The following THSD7B variants were observed in gnomAD, a reference collection of about 807,000 sequenced individuals.
The protein encoded by THSD7B is thrombospondin type 1 domain containing 7B.
THSD7B carries 138 observed loss-of-function variants against 213.6 expected under a neutral mutation model. That is an observed-to-expected ratio of 0.65 (90% CI 0.56 to 0.74). The LOEUF (loss-of-function observed/expected upper bound fraction) is 0.74. Ranked by LOEUF, THSD7B falls within the 30% of genes least tolerant of loss-of-function variation. The pLI, the probability that THSD7B is intolerant of heterozygous loss-of-function variation, is 0.00. For missense variants in THSD7B, 1,931 were observed against 1,991.5 expected (o/e 0.97, Z 0.58); for synonymous variants, 742 against 687.0 (o/e 1.08, Z -1.25).
chr2:137,285,996 C>T (rs1016485898), intron 12 of THSD7B, among the ~76,000 whole-genome samples: 4 of 151,016 alleles, frequency 2.6e-5, no homozygotes, highest in Admixed American at 6.6e-5. Context: ...CCCAACTACT[C>T]GGGAGGCTGA....
At chr2:137,037,156 G>T (rs895545902) in intron 2 of THSD7B, among the ~76,000 whole-genome samples, 3 of 152,036 alleles carry the variant, frequency 2.0e-5, no homozygotes, top group African/African-American at 7.2e-5. Context: ...GGGCAGAGAT[G>T]ATATCTTAAA....
In THSD7B at chr2:137,559,083, G is replaced by T. The variant is rs1467921639; in HGVS notation, c.3139-4138G>T. ...TGAAAGAGGACACAAACAAATGGAA[G>T]AACATTCCAAGCTCATGGATAGGAA... On this transcript the variant is annotated intron_variant, in intron 15 of 27. Transcript: ENST00000409968. Among the ~76,000 whole-genome samples, 4 of 152,108 alleles carry T rather than the reference G, an allele frequency of 2.6e-5. No individual in the cohort carries two copies. The South Asian group carries it at 8.3e-4, about 32-fold the overall frequency.
At chr2:136,852,688 T>A (rs1683118335) in intron 1 of THSD7B, among the ~76,000 whole-genome samples, 1 of 152,228 alleles carries the variant, frequency 6.6e-6, no homozygotes, top group African/African-American at 2.4e-5. Flanking sequence ...AACTTATGCC[T>A]GTCTTTGCTT....
At chr2:137,356,243 C>T (rs1231401473) in intron 12 of THSD7B, among the ~76,000 whole-genome samples, 1 of 152,112 alleles carries the variant, frequency 6.6e-6, no homozygotes, top group Admixed American at 6.6e-5. Flanking sequence ...CAGGGCTATA[C>T]CTATGCCCGC....
chr2:136,792,433 ATGG>A lies in THSD7B; in HGVS notation c.-36+26750_-36+26752del, dbSNP rs1488455952. On this transcript the variant is annotated intron_variant, in intron 1 of 27. Transcript: ENST00000409968. The stretch of plus-strand genomic sequence containing the variant: ...TGTGACTATTGTGTATGAAACAATA[ATGG>A]TGGATACCTGCCATCGTACATTTGT... 5.9e-5 allele frequency among the ~76,000 whole-genome samples: 9 copies of A among 152,120 alleles called. 1 individual carries two copies. The highest frequency in any genetic ancestry group is 4.6e-4 in the Admixed American group (7 of 15,254).
intron 2 of THSD7B, among the ~76,000 whole-genome samples, chr2:137,003,201 T>TA (rs1686034816): frequency 6.6e-6 from 1 of 152,192 alleles, no homozygotes; most frequent in Non-Finnish European, 1.5e-5. Context: ...ACATGGCTTT[T>TA]AAAAAATGTA....
At chr2:137,577,036 G>C (rs1681478680) in intron 17 of THSD7B, among the ~76,000 whole-genome samples, 1 of 152,092 alleles carries the variant, frequency 6.6e-6, no homozygotes. Context: ...TGGAGGAGGT[G>C]CCTAATGATT....
intron 20 of THSD7B, among the ~76,000 whole-genome samples, chr2:137,626,267 C>A (rs1332195738): frequency 6.6e-6 from 1 of 152,082 alleles, no homozygotes; most frequent in Admixed American, 6.5e-5. Context: ...TCGAGACCAT[C>A]ATGGCTAACA....
rs549917772 is a variant in THSD7B, at chr2:136,861,220, A to G, written c.-35-20924A>G. On this transcript the variant is annotated intron_variant, in intron 1 of 27. Transcript: ENST00000409968. Reference sequence around the variant, plus strand: ...TGTGGAAGGTAGGACCTGGCATAGGAATATTAAGTGAGGCAAAAGTCTCAT... The same window carrying G: ...TGTGGAAGGTAGGACCTGGCATAGGGATATTAAGTGAGGCAAAAGTCTCAT... 3.3e-5 allele frequency among the ~76,000 whole-genome samples: 5 copies of G among 152,294 alleles called. No homozygotes were observed. The South Asian group carries it at 1.0e-3, about 32-fold the overall frequency.
chr2:137,436,201 C>T (rs1339142337), intron 14 of THSD7B, among the ~76,000 whole-genome samples: 1 of 151,984 alleles, frequency 6.6e-6, no homozygotes, highest in Non-Finnish European at 1.5e-5. Flanking sequence ...TTATGATATA[C>T]ATATTCATCT....
At chr2:137,071,201 T>A (rs1288068757) in intron 3 of THSD7B, among the ~76,000 whole-genome samples, 1 of 152,194 alleles carries the variant, frequency 6.6e-6, no homozygotes, top group Non-Finnish European at 1.5e-5. Flanking sequence ...TATTCCTGTT[T>A]CTCCACATCC....
intron 16 of THSD7B, among the ~76,000 whole-genome samples, chr2:137,565,852 A>G (rs947319770): frequency 1.3e-5 from 2 of 152,144 alleles, no homozygotes; most frequent in African/African-American, 4.8e-5. Flanking sequence ...AATCCTGATT[A>G]TGTCCCAATG....
chr2:136,949,041 C>T (rs141409130), intron 2 of THSD7B, among the ~76,000 whole-genome samples: 1 of 152,204 alleles, frequency 6.6e-6, no homozygotes, highest in East Asian at 1.9e-4. Flanking sequence ...GGGATTTGGC[C>T]TGTGTACATT....
intron 15 of THSD7B, among the ~76,000 whole-genome samples, chr2:137,504,025 C>CAA (rs1317714145): frequency 3.7e-5 from 3 of 81,258 alleles, no homozygotes; most frequent in Middle Eastern, 6.6e-3. Context: ...GACTCCATCT[C>CAA]AAAAAAAAAA....
At chr2:137,665,743 G>A (rs899594840) in intron 26 of THSD7B, among the ~76,000 whole-genome samples, 7 of 152,058 alleles carry the variant, frequency 4.6e-5, no homozygotes, top group African/African-American at 1.7e-4. Flanking sequence ...CAATATAAAT[G>A]CCCACAAATA....
intron 2 of THSD7B, among the ~76,000 whole-genome samples, chr2:136,970,273 G>A (rs867060466): frequency 6.6e-6 from 1 of 152,016 alleles, no homozygotes; most frequent in African/African-American, 2.4e-5. Context: ...AGACCAGCCT[G>A]GGCAACATGG....
At chr2:137,598,845 T>A (rs907820504) in intron 17 of THSD7B, among the ~76,000 whole-genome samples, 2 of 150,758 alleles carry the variant, frequency 1.3e-5, no homozygotes, top group African/African-American at 4.9e-5. Flanking sequence ...CTTTCCTCCC[T>A]TCTTTTTTTT....
rs1553462387 is a variant in THSD7B, at chr2:136,983,358, G to GACACACAGACACACACACACACACACAC, written c.140-73055_140-73054insGACACACACACACACACACACACACACA. On this transcript the variant is annotated intron_variant, in intron 2 of 27. Coordinates refer to ENST00000409968, the MANE Select transcript of THSD7B (RefSeq NM_001316349.2). Reference sequence around the variant, plus strand: ...ACACACACACACACACAGACACACAGACACACACACACGCACACACACTCA... The same window carrying GACACACAGACACACACACACACACACAC: ...ACACACACACACACACAGACACACAGACACACAGACACACACACACACACACACACACACACACACGCACACACACTCA... Among the ~76,000 whole-genome samples the GACACACAGACACACACACACACACACAC allele has an allele frequency of 2.9e-5, 3 of 105,132 alleles. No homozygotes were observed. In the East Asian group the frequency reaches 8.6e-4, roughly 30 times the overall value. The allele number at this position is 105,132 out of a possible 152,430, so 69.0% of individuals were successfully genotyped here.
chr2:137,135,910 A>G (rs1042845921), intron 5 of THSD7B, among the ~76,000 whole-genome samples: 3 of 152,160 alleles, frequency 2.0e-5, no homozygotes, highest in Admixed American at 6.6e-5. Context: ...TTCTTCTTCA[A>G]TATTGTGAAC....
Sources: allele counts gnomAD v4.1 joint callset (sites outside exome capture counted in the v4.1 genomes callset), GRCh38; gene constraint gnomAD v4.1.1; transcripts MANE v1.5; gene names NCBI Gene and HGNC (gene_info 2026-07-23, HGNC 2026-07-21).